Variants in PHF19 observed in about 807,000 individuals in gnomAD.
PHF19 encodes the protein PHD finger protein 19, also known as polycomb like 3.
PHF19 carries 21 observed loss-of-function variants against 79.8 expected under a neutral mutation model. That is an observed-to-expected ratio of 0.26 (90% CI 0.19 to 0.38). The LOEUF is 0.38. Ranked by LOEUF, PHF19 falls within the 10% of genes least tolerant of loss-of-function variation. PHF19 has a pLI of 1.00. For synonymous variants in PHF19, 273 were observed against 296.3 expected (o/e 0.92, Z 0.81); for missense variants, 445 against 744.2 (o/e 0.60, Z 4.68).
upstream of PHF19, among the ~76,000 whole-genome samples, chr9:120,878,089 T>C (rs751138927): frequency 1.3e-5 from 2 of 151,976 alleles, no homozygotes; most frequent in Non-Finnish European, 2.9e-5. Flanking sequence ...AAAATACGGG[T>C]TAAGGATATC....
intron 3 of PHF19, among the ~76,000 whole-genome samples, chr9:120,871,895 A>G (rs536480625): frequency 1.3e-5 from 2 of 152,006 alleles, no homozygotes; most frequent in South Asian, 4.2e-4. Flanking sequence ...AAAATTAGCT[A>G]GGCGTGGTGG....
At chr9:120,890,533 C>A (rs2046328466) in intron 1 of PHF19, among the ~76,000 whole-genome samples, 1 of 152,126 alleles carries the variant, frequency 6.6e-6, no homozygotes, top group African/African-American at 2.4e-5. Flanking sequence ...GGAGGACTCG[C>A]TCCTAATTCC....
rs2045825821 is a variant in PHF19, at chr9:120,869,539, G to T, written c.466-209C>A. 1.2e-5 allele frequency: 17 copies of T among 1,420,510 alleles called. No individual in the cohort carries two copies. The highest frequency in any genetic ancestry group is 1.6e-5 in the Non-Finnish European group (17 of 1,079,662). 88.0% of individuals were successfully genotyped at this position (1,420,510 alleles called of 1,614,324 possible). On this transcript the variant is annotated intron_variant, in intron 5 of 14. Transcript: ENST00000373896. The surrounding 1 kb of genome is among the most constrained non-coding windows in gnomAD (Gnocchi z 5.8). ...AACTCCGTTGATAACAGAATTAAGA[G>T]TAATAAGCGCAATAAAGGCAACAAT... is the stretch of plus-strand genomic sequence containing the variant.
chr9:120,879,164 AAAG>A (rs1232260339), upstream of PHF19, among the ~76,000 whole-genome samples: 5 of 152,368 alleles, frequency 3.3e-5, no homozygotes, highest in South Asian at 4.1e-4. Context: ...TAATGTATGC[AAAG>A]CCCCTGGTGC....
At chr9:120,893,593 C>A (rs1018708140) in intron 1 of PHF19, among the ~76,000 whole-genome samples, 4 of 152,226 alleles carry the variant, frequency 2.6e-5, no homozygotes, top group Non-Finnish European at 5.9e-5. Context: ...CTTAAGTGAG[C>A]AAATTCATCT....
At chr9:120,877,882 G>A (rs76059473), upstream of PHF19, among the ~76,000 whole-genome samples, 7 of 152,208 alleles carry the variant, frequency 4.6e-5, no homozygotes, top group Non-Finnish European at 8.8e-5. Context: ...AGATACACAA[G>A]GGGGAACACA....
rs1373245964 is a variant in PHF19, at chr9:120,869,517, T to A, written c.466-187A>T. On this transcript the variant is annotated intron_variant, in intron 5 of 14. Coordinates refer to ENST00000373896, the MANE Select transcript of PHF19 (RefSeq NM_015651.3). This position sits in a 1 kb window ranked among gnomAD's most constrained non-coding sequence, Gnocchi z 5.8. Reference sequence around the variant, plus strand: ...CCATCCCCTCTATCCCAGAAGGAACTCCGTTGATAACAGAATTAAGAGTAA... The same window carrying A: ...CCATCCCCTCTATCCCAGAAGGAACACCGTTGATAACAGAATTAAGAGTAA... The A allele has an allele frequency of 7.2e-7, 1 of 1,384,656 alleles. No individual in the cohort carries two copies. Among genetic ancestry groups the A allele is most frequent in the African/African-American group, 1.5e-5 (1 of 68,888 alleles). The allele number at this position is 1,384,656 out of a possible 1,614,324, so 85.8% of individuals were successfully genotyped here.
intron 1 of PHF19, chr9:120,876,868 C>T (rs922343097): frequency 4.9e-5 from 20 of 409,660 alleles, no homozygotes; most frequent in African/African-American, 3.7e-4. Context: ...GGAAGAACGA[C>T]CTGTCACCCA....
At chr9:120,877,912 A>C (rs1444032532), upstream of PHF19, among the ~76,000 whole-genome samples, 1 of 152,252 alleles carries the variant, frequency 6.6e-6, no homozygotes, top group Non-Finnish European at 1.5e-5. Context: ...ACAGAGACAC[A>C]CAACAGAACA....
intron 10 of PHF19, 38 bp downstream of exon 10, chr9:120,864,011 G>C (rs746782385): frequency 1.3e-6 from 2 of 1,552,530 alleles, no homozygotes; most frequent in African/African-American, 2.7e-5. Context: ...CTCACCTGTA[G>C]AGGGCCCCAC....
chr9:120,869,756 T>G lies in PHF19; in HGVS notation c.465+89A>C. ...CAAAGCCCAGGTGTGGCCCTTCTGC[T>G]TGGAGCTCAGACTCTGTGATGGGAG... On this transcript the variant is annotated intron_variant, in intron 5 of 14. Coordinates refer to ENST00000373896, the MANE Select transcript of PHF19 (RefSeq NM_015651.3). This position sits in a 1 kb window ranked among gnomAD's most constrained non-coding sequence, Gnocchi z 5.8. The G allele has an allele frequency of 6.3e-7, 1 of 1,593,198 alleles. No homozygotes were observed. Among genetic ancestry groups the G allele is most frequent in the Non-Finnish European group, 8.5e-7 (1 of 1,169,996 alleles).
At chr9:120,884,157 A>G (rs1332389878) in intron 1 of PHF19, among the ~76,000 whole-genome samples, 1 of 152,228 alleles carries the variant, frequency 6.6e-6, no homozygotes, top group African/African-American at 2.4e-5. Flanking sequence ...TTTTTTATCA[A>G]TTAGGTCTAC....
At position 120,855,762 on chromosome 9, in the gene PHF19, G is replaced by A. The variant is rs2045350047; in HGVS notation, c.*2182C>T. 6.5e-6 allele frequency: 1 copy of A among 152,676 alleles called. No individual in the cohort carries two copies. The highest frequency in any genetic ancestry group is 2.4e-5 in the African/African-American group (1 of 41,462). 9.5% of individuals were successfully genotyped at this position (152,676 alleles called of 1,614,324 possible). On this transcript the variant is annotated 3_prime_UTR_variant, in exon 15 of 15. Transcript: ENST00000373896. ...CCATGAATCTTTTTGAAGGTGCAGA[G>A]GGTTATAAGGTCAGTTGGCAGTAAT...
chr9:120,892,271 T>C (rs1221105505), intron 1 of PHF19, among the ~76,000 whole-genome samples: 1 of 152,166 alleles, frequency 6.6e-6, no homozygotes, highest in Non-Finnish European at 1.5e-5. Context: ...TGTGCTTGCC[T>C]GGCCTTGTCT....
chr9:120,883,819 G>A (rs77394694), intron 1 of PHF19, among the ~76,000 whole-genome samples: 1 of 152,082 alleles, frequency 6.6e-6, no homozygotes, highest in Non-Finnish European at 1.5e-5. Context: ...GTGGGGCTAG[G>A]GGGACAGACA....
At chr9:120,877,295 A>C, upstream of PHF19, 1 of 956,296 alleles carries the variant, frequency 1.0e-6, no homozygotes, top group Non-Finnish European at 1.2e-6. Context: ...GCGCTCAGGA[A>C]GGGGCCCCCC....
intron 1 of PHF19, among the ~76,000 whole-genome samples, chr9:120,883,551 G>A (rs938459531): frequency 6.6e-6 from 1 of 152,146 alleles, no homozygotes; most frequent in African/African-American, 2.4e-5. Flanking sequence ...CTGAGCTCCG[G>A]AGTTCGAGCC....
chr9:120,895,946 C>T (rs1177117108), upstream of PHF19, among the ~76,000 whole-genome samples: 1 of 152,212 alleles, frequency 6.6e-6, no homozygotes, highest in Non-Finnish European at 1.5e-5. Context: ...AGCCACTGCG[C>T]CTGGCCAAAT....
At chr9:120,902,838 T>G in the PHF19 span, 1 of 152,228 alleles carries the variant, frequency 6.6e-6, no homozygotes, top group African/African-American at 2.4e-5. Flanking sequence ...GAGTCCAGAG[T>G]GCACATCTTG....
Sources: allele counts gnomAD v4.1 joint callset (sites outside exome capture counted in the v4.1 genomes callset), GRCh38; gene constraint gnomAD v4.1.1; non-coding constraint Gnocchi (gnomAD v3.1); transcripts MANE v1.5; gene names NCBI Gene and HGNC (gene_info 2026-07-23, HGNC 2026-07-21).